Variants in PLEKHA1 observed in about 807,000 individuals in gnomAD.
PLEKHA1 encodes the protein pleckstrin homology domain containing A1.
A neutral mutation model predicts 52.0 loss-of-function variants in PLEKHA1; 34 were observed. The ratio of observed to expected loss-of-function variants is 0.65; its 90% confidence interval spans 0.50 to 0.87. PLEKHA1 has a LOEUF of 0.87. PLEKHA1 is among the 40% of genes least tolerant of loss of function. PLEKHA1 has a pLI of 0.00. For synonymous variants in PLEKHA1, 163 were observed against 170.7 expected, an observed-to-expected ratio of 0.95 and a Z score of 0.35; for missense variants, 497 against 504.2, an observed-to-expected ratio of 0.99 and a Z score of 0.14.
chr10:122,440,604 TC>T, the PLEKHA1 span: 1 of 152,216 alleles, frequency 6.6e-6, no homozygotes, highest in Non-Finnish European at 1.5e-5. Context: ...CCTTCTCCCT[TC>T]CCATGCCAAC....
At chr10:122,399,349 G>C (rs1037770730) in intron 3 of PLEKHA1, among the ~76,000 whole-genome samples, 2 of 151,998 alleles carry the variant, frequency 1.3e-5, no homozygotes, top group African/African-American at 4.8e-5. Flanking sequence ...ATGAGCTTCT[G>C]GGAGGTACTT....
chr10:122,394,163 C>G (rs2134042549), intron 2 of PLEKHA1, among the ~76,000 whole-genome samples: 1 of 149,520 alleles, frequency 6.7e-6, no homozygotes. Context: ...CAGCCTCTGC[C>G]TCCTGGGTTC....
At chr10:122,426,255 A>G (rs962640007) in intron 10 of PLEKHA1, among the ~76,000 whole-genome samples, 1 of 151,636 alleles carries the variant, frequency 6.6e-6, no homozygotes, top group Non-Finnish European at 1.5e-5. Flanking sequence ...TTCCATTAGT[A>G]ATGAATGAAG....
chr10:122,428,074 T>C (rs916494997), intron 11 of PLEKHA1, among the ~76,000 whole-genome samples: 2 of 152,246 alleles, frequency 1.3e-5, no homozygotes, highest in Non-Finnish European at 2.9e-5. Flanking sequence ...TTTATGTGAC[T>C]TTTTCAGCAG....
At chr10:122,383,313 G>GTTTTTTTTTTTTTTTTTTTTTTTT (rs58485855) in intron 1 of PLEKHA1, among the ~76,000 whole-genome samples, 2 of 128,388 alleles carry the variant, frequency 1.6e-5, no homozygotes, top group Non-Finnish European at 3.3e-5. Context: ...CTTTCTTTCT[G>GTTTTTTTTTTTTTTTTTTTTTTTT]TTTTTTTTTT....
chr10:122,405,563 AG>A (rs1023419165), intron 4 of PLEKHA1, among the ~76,000 whole-genome samples: 2 of 151,648 alleles, frequency 1.3e-5, no homozygotes, highest in Non-Finnish European at 2.9e-5. Flanking sequence ...GTTGTTAAAG[AG>A]TATTAGCCAG....
intron 11 of PLEKHA1, among the ~76,000 whole-genome samples, chr10:122,429,288 G>A (rs982112568): frequency 6.6e-6 from 1 of 152,130 alleles, no homozygotes; most frequent in Non-Finnish European, 1.5e-5. Context: ...TTTAAACACA[G>A]TTCAGTTGCA....
downstream of PLEKHA1, chr10:122,432,643 G>A (rs962449675): frequency 5.3e-5 from 8 of 152,180 alleles, no homozygotes; most frequent in South Asian, 2.1e-4. Flanking sequence ...TCAGAGCATC[G>A]TGTGGATCAT....
At chr10:122,395,077 C>T (rs2096832214) in intron 2 of PLEKHA1, among the ~76,000 whole-genome samples, 1 of 152,132 alleles carries the variant, frequency 6.6e-6, no homozygotes, top group African/African-American at 2.4e-5. Context: ...ATAATATTGG[C>T]TAAGAGATGG....
chr10:122,378,739 C>CAA (rs5788545), intron 1 of PLEKHA1, among the ~76,000 whole-genome samples: 10 of 101,820 alleles, frequency 9.8e-5, no homozygotes, highest in Non-Finnish European at 1.6e-4. Flanking sequence ...ACCCTGTCTC[C>CAA]AAAAAAAAAA....
intron 2 of PLEKHA1, among the ~76,000 whole-genome samples, chr10:122,394,828 T>C (rs2096828944): frequency 6.6e-6 from 1 of 152,240 alleles, no homozygotes; most frequent in African/African-American, 2.4e-5. Context: ...TCCTGAATTT[T>C]ACTTGAAGCT....
intron 1 of PLEKHA1, among the ~76,000 whole-genome samples, chr10:122,375,927 G>A (rs919147203): frequency 6.6e-6 from 1 of 152,122 alleles, no homozygotes; most frequent in Non-Finnish European, 1.5e-5. Flanking sequence ...TTTCTAAATA[G>A]AAAATCTTAT....
At chr10:122,425,166 A>AACTAGAACTAAGTATTTAGAGAAAGGG (rs2097320138) in intron 10 of PLEKHA1, 1 of 378,858 alleles carries the variant, frequency 2.6e-6, no homozygotes, top group Non-Finnish European at 4.7e-6. Context: ...TGAATTAGTG[A>AACTAGAACTAAGTATTTAGAGAAAGGG]ACTAGAACTA....
intron 10 of PLEKHA1, chr10:122,425,591 C>G (rs1360676923): frequency 6.6e-6 from 1 of 151,656 alleles, no homozygotes; most frequent in African/African-American, 2.4e-5. Context: ...TGGTGGTGTG[C>G]AGGCTTGTAA....
In PLEKHA1 at chr10:122,393,360, A is replaced by G. The variant is rs750159521; in HGVS notation, c.141+19A>G. ...TCCACAGGTTTGTAAAATCCCAAGGATTATCTTTTAAAAGCACAGAAAGTT... is the reference window on the plus strand; with the variant it reads ...TCCACAGGTTTGTAAAATCCCAAGGGTTATCTTTTAAAAGCACAGAAAGTT... On this transcript the variant is annotated intron_variant, in intron 2 of 11. Transcript: ENST00000368990. This position sits in a 1 kb window ranked among gnomAD's most constrained non-coding sequence, Gnocchi z 4.5. 2.8e-5 allele frequency: 44 copies of G among 1,578,366 alleles called. No individual in the cohort carries two copies. Among genetic ancestry groups the G allele is most frequent in the Non-Finnish European group, 3.7e-5 (43 of 1,164,278 alleles).
intron 8 of PLEKHA1, chr10:122,420,329 C>A (rs2133350645): frequency 1.3e-5 from 2 of 152,246 alleles, no homozygotes; most frequent in East Asian, 3.9e-4. Flanking sequence ...TGTAAATGGG[C>A]TCTTTTATAA....
chr10:122,434,288 G>A (rs1488550953), downstream of PLEKHA1: 2 of 152,120 alleles, frequency 1.3e-5, no homozygotes, highest in African/African-American at 4.8e-5. Context: ...AAACTAATTT[G>A]ACTAGTAGAA....
intron 1 of PLEKHA1, among the ~76,000 whole-genome samples, chr10:122,378,334 A>G (rs951147049): frequency 3.3e-5 from 5 of 152,128 alleles, no homozygotes; most frequent in African/African-American, 1.2e-4. Flanking sequence ...TTTAATTTTC[A>G]CTATTCACTG....
At chr10:122,379,431 T>G in intron 1 of PLEKHA1, among the ~76,000 whole-genome samples, 2 of 149,800 alleles carry the variant, frequency 1.3e-5, no homozygotes, top group Middle Eastern at 3.4e-3. Context: ...AGTAGACACA[T>G]GGGGTCAGTC....
Sources: allele counts gnomAD v4.1 joint callset (sites outside exome capture counted in the v4.1 genomes callset), GRCh38; gene constraint gnomAD v4.1.1; non-coding constraint Gnocchi (gnomAD v3.1); transcripts MANE v1.5; gene names NCBI Gene and HGNC (gene_info 2026-07-23, HGNC 2026-07-21).